The following RPL8 variants were observed in gnomAD, a reference collection of about 807,000 sequenced individuals.
RPL8 encodes the protein ribosomal protein L8.
For missense variants in RPL8, 248 were observed against 365.9 expected (o/e 0.68, Z 2.63); for synonymous variants, 182 against 143.2 (o/e 1.27, Z -1.94).
chr8:144,790,568 A>T (rs1826470443), intron 3 of RPL8, 98 bp from the exon 4 acceptor site: 1 of 942,456 alleles, frequency 1.1e-6, no homozygotes, highest in East Asian at 2.4e-5. Context: ...ACTGCATCCA[A>T]CTACCCAGCA....
intron 4 of RPL8, 52 bp downstream of exon 4, chr8:144,790,299 CAACA>C (rs1826455779): frequency 7.0e-7 from 1 of 1,432,880 alleles, no homozygotes; most frequent in African/African-American, 1.4e-5. Flanking sequence ...CTTGCCTACC[CAACA>C]GTGTGGCCAC....
Position 144,790,409 on chromosome 8 carries a change from G to A in RPL8, c.561C>T (p.His187=), listed in dbSNP as rs11539890. 1 of 1,614,078 alleles carries A rather than the reference G, an allele frequency of 6.2e-7. No individual in the cohort carries two copies. The highest frequency in any genetic ancestry group is 2.2e-5 in the East Asian group (1 of 44,880). ...AGCAGTTCCTCTTTGCCTTATATTT[G>A]TGGTACGCCCGGCCAGCCTTCAAGA... The part of the protein sequence containing the change: ...KPILKAGRAY[H]KYKAKRNCWP... The change falls in exon 4 of 5, where the codon CAC becomes CAT. Residue 187 remains histidine, a synonymous_variant. Transcript: ENST00000528957.
chr8:144,790,044 C>T, intron 4 of RPL8, 82 bp from the exon 5 acceptor site: 1 of 1,464,834 alleles, frequency 6.8e-7, no homozygotes, highest in African/African-American at 1.4e-5. Flanking sequence ...CGTCAGGGGC[C>T]CAATTCCGCG....
At position 144,792,339 on chromosome 8, in the gene RPL8, T is replaced by C. The variant is rs1826567685; in HGVS notation, c.-210A>G. The stretch of plus-strand genomic sequence containing the variant: ...AGAGGATGGCGGCGGATACTGCCCA[T>C]GCCGCAAGGCCGCAAGGATGACCTA... On this transcript the variant is annotated 5_prime_UTR_variant, in exon 1 of 5. It removes an upstream start codon present in the reference 5' UTR. Transcript: ENST00000528957. The C allele has an allele frequency of 1.3e-6, 1 of 769,262 alleles. No homozygotes were observed. The highest frequency in any genetic ancestry group is 1.8e-6 in the Non-Finnish European group (1 of 547,128). 47.7% of individuals were successfully genotyped at this position (769,262 alleles called of 1,614,324 possible). A position where few individuals can be genotyped will look rare whatever the true frequency, so the allele number is the denominator to read the frequency against.
intron 3 of RPL8, chr8:144,790,892 G>A (rs575261765): frequency 2.6e-5 from 13 of 500,922 alleles, no homozygotes; most frequent in South Asian, 1.9e-4. Flanking sequence ...AAACAGCACA[G>A]TGAGTTAACC....
At chr8:144,791,068 C>T (rs775568248) in intron 3 of RPL8, 4 of 592,668 alleles carry the variant, frequency 6.7e-6, no homozygotes, top group Non-Finnish European at 9.0e-6. Context: ...TCTCATTTAA[C>T]GCCTCAACAG....
At chr8:144,789,993 C>T in intron 4 of RPL8, 31 bp from the exon 5 acceptor site, 1 of 1,579,674 alleles carries the variant, frequency 6.3e-7, no homozygotes, top group Admixed American at 1.8e-5. Flanking sequence ...CTTTAGAAAC[C>T]TCTTCCCCAC....
In RPL8 at chr8:144,792,152, T is replaced by A. The variant is rs1826556977; in HGVS notation, c.-23A>T. 6.8e-7 allele frequency: 1 copy of A among 1,479,366 alleles called. No homozygotes were observed. Among genetic ancestry groups the A allele is most frequent in the African/African-American group, 1.5e-5 (1 of 68,082 alleles). The allele number at this position is 1,479,366 out of a possible 1,614,324, so 91.6% of individuals were successfully genotyped here. A position where few individuals can be genotyped will look rare whatever the true frequency, so the allele number is the denominator to read the frequency against. ...CATGGCGACGGGTCCTGGGGGCGAC[T>A]CACGATTAGCGCGGCCGGGCGGCCC... On this transcript the variant is annotated 5_prime_UTR_variant, in exon 1 of 5. Transcript: ENST00000528957.
rs1419850109 is a variant in RPL8, at chr8:144,792,019, C to A, written c.111G>T (p.Arg37=). 3.7e-6 allele frequency: 6 copies of A among 1,608,836 alleles called. No homozygotes were observed. The highest frequency in any genetic ancestry group is 3.4e-6 in the Non-Finnish European group (4 of 1,177,980). The change falls in exon 1 of 5, where the codon CGG becomes CGT. Residue 37 remains arginine (R), a synonymous_variant. Transcript: ENST00000528957. ...TGACGATGCCCTTGATGTAGCCGTG[C>A]CGCTCAGCGAAATCCACGGCGCGCA... is the stretch of plus-strand genomic sequence containing the variant. ...ARLRAVDFAE[R]HGYIKGIVKD...
chr8:144,790,510 C>T lies in RPL8; in HGVS notation c.500-40G>A, dbSNP rs201273506. On this transcript the variant is annotated intron_variant, in intron 3 of 4. Coordinates refer to ENST00000528957, the MANE Select transcript of RPL8 (RefSeq NM_001317782.2). ...ATACCTCAGGGAACCCCCAGTCGGT[C>T]AGAGCACCCCCACCTCCCCTCAATC... 228 of 1,473,934 alleles carry T rather than the reference C, an allele frequency of 1.5e-4. 3 individuals carry two copies. In the Admixed American group the frequency reaches 3.5e-3, roughly 23 times the overall value. The allele number at this position is 1,473,934 out of a possible 1,614,324, so 91.3% of individuals were successfully genotyped here. A position where few individuals can be genotyped will look rare whatever the true frequency, so the allele number is the denominator to read the frequency against.
chr8:144,791,863 G>A lies in RPL8; in HGVS notation c.190C>T (p.Arg64Trp). ...CGCTTCTTAAACCGATACGGATCCC[G>A]GAAGACCACCTTGGCGAGGGGCGCG... ...RGAPLAKVVF[R>W]DPYRFKKRTE... The change falls in exon 2 of 5, where the codon CGG (arginine) becomes TGG (tryptophan). Residue 64 changes from arginine to tryptophan, a missense_variant. Physicochemically the swap from Arg to Trp is moderately radical, Grantham distance 101. Transcript: ENST00000528957. The A allele has an allele frequency of 6.2e-7, 1 of 1,613,784 alleles. No homozygotes were observed. The highest frequency in any genetic ancestry group is 8.5e-7 in the Non-Finnish European group (1 of 1,180,026).
Position 144,792,095 on chromosome 8 carries a change from G to C in RPL8, c.35C>G (p.Ala12Gly), listed in dbSNP as rs750169913. Residue 12 changes from alanine to glycine, a missense_variant, in exon 1 of 5, where the codon GCC (alanine) becomes GGC (glycine). By Grantham distance (60) the Ala-to-Gly change is moderately conservative. Transcript: ENST00000528957. ...CACGTGCGCGCGGAACACAGACCCG[G>C]CGCCCTTCCTCTGTCCACGGATCAC... Reference protein sequence around the residue: ...GRVIRGQRKGAGSVFRAHVKH... With the variant: ...GRVIRGQRKGGGSVFRAHVKH... 3 of 1,595,102 alleles carry C rather than the reference G, an allele frequency of 1.9e-6. No individual in the cohort carries two copies. Among genetic ancestry groups the C allele is most frequent in the South Asian group, 1.1e-5 (1 of 89,964 alleles).
chr8:144,790,731 A>C, intron 3 of RPL8: 1 of 661,560 alleles, frequency 1.5e-6, no homozygotes, highest in Non-Finnish European at 2.8e-6. Flanking sequence ...CACCCCCCTC[A>C]CCATGTGTGA....
rs1318511418 is a variant in RPL8, at chr8:144,791,479, G to A, written c.297C>T (p.Gly99=). ...YCGKKAQLNI[G]NVLPVGTMPE... is the part of the protein sequence containing the mutation. ...GCATGGTGCCCACAGGGAGCACATT[G>A]CCAATGTTGAGCTGGGCTGCAAGGG... The change falls in exon 3 of 5, where the codon GGC becomes GGT. Residue 99 remains glycine, a synonymous_variant. Coordinates refer to ENST00000528957, the MANE Select transcript of RPL8 (RefSeq NM_001317782.2). The A allele has an allele frequency of 2.5e-6, 4 of 1,613,702 alleles. No homozygotes were observed. Among genetic ancestry groups the A allele is most frequent in the Non-Finnish European group, 3.4e-6 (4 of 1,180,000 alleles).
At chr8:144,790,968 T>C in intron 3 of RPL8, 1 of 474,860 alleles carries the variant, frequency 2.1e-6, no homozygotes, top group Non-Finnish European at 3.9e-6. Flanking sequence ...TCTCCCTGCC[T>C]TCTCTAAAAA....
intron 3 of RPL8, chr8:144,790,799 C>G (rs1040281156): frequency 1.7e-6 from 1 of 582,366 alleles, no homozygotes; most frequent in Non-Finnish European, 3.2e-6. Context: ...TGCCCCATCT[C>G]AGCTTTACTT....
Position 144,790,484 on chromosome 8 carries a change from G to A in RPL8, c.500-14C>T, listed in dbSNP as rs1332270043. 1 of 1,601,450 alleles carries A rather than the reference G, an allele frequency of 6.2e-7. No homozygotes were observed. Among genetic ancestry groups the A allele is most frequent in the East Asian group, 2.2e-5 (1 of 44,816 alleles). On this transcript the variant is annotated splice_polypyrimidine_tract_variant and intron_variant, in intron 3 of 4. Coordinates refer to ENST00000528957, the MANE Select transcript of RPL8 (RefSeq NM_001317782.2). ...CAGCCACCACACCTGTAGGGGATCA[G>A]ATACCTCAGGGAACCCCCAGTCGGT...
rs1488302548 is a variant in RPL8, at chr8:144,790,043, C to A, written c.616-81G>T. 2.0e-6 allele frequency: 3 copies of A among 1,465,886 alleles called. No individual in the cohort carries two copies. In the East Asian group the frequency reaches 7.3e-5, roughly 36 times the overall value. 90.8% of individuals were successfully genotyped at this position (1,465,886 alleles called of 1,614,324 possible). A position where few individuals can be genotyped will look rare whatever the true frequency, so the allele number is the denominator to read the frequency against. On this transcript the variant is annotated intron_variant, in intron 4 of 4. Coordinates refer to ENST00000528957, the MANE Select transcript of RPL8 (RefSeq NM_001317782.2). ...GCCTCGGGGTCCCACCCGTCAGGGG[C>A]CCAATTCCGCGAAGCCCCTCTCCAC...
intron 3 of RPL8, 184 bp downstream of exon 3, chr8:144,791,093 C>T (rs1826494754): frequency 1.6e-6 from 1 of 618,446 alleles, no homozygotes; most frequent in Non-Finnish European, 2.9e-6. Context: ...AAAGCAGGTA[C>T]TGTTGTGCCT....
Sources: allele counts gnomAD v4.1 joint callset, GRCh38; gene constraint gnomAD v4.1.1; transcripts MANE v1.5; gene names NCBI Gene and HGNC (gene_info 2026-07-23, HGNC 2026-07-21).